ADAMTS6: variants seen among roughly 807,000 people sequenced by gnomAD.
ADAMTS6 encodes ADAM metallopeptidase with thrombospondin type 1 motif 6.
A neutral mutation model predicts 144.3 loss-of-function variants in ADAMTS6; 23 were observed. That is an observed-to-expected ratio of 0.16 (90% confidence interval 0.11 to 0.23). The LOEUF (loss-of-function observed/expected upper bound fraction) is 0.23, where lower values mean the gene tolerates loss of function less well. ADAMTS6 is among the 10% of genes least tolerant of loss of function. ADAMTS6 has a pLI of 1.00. For synonymous variants in ADAMTS6, 444 were observed against 457.5 expected, an observed-to-expected ratio of 0.97 and a Z score of 0.38; for missense variants, 999 against 1,379.6, an observed-to-expected ratio of 0.72 and a Z score of 4.37.
Position 65,273,431 on chromosome 5 carries a change from A to C in ADAMTS6, c.1529T>G (p.Leu510Arg), listed in dbSNP as rs996353681. Reference sequence around the variant, plus strand: ...GCGGTTGCTTTTGCTGAGACACCAGAGCTCTCTACACACTTCCTAGGAAAG... The same window carrying C: ...GCGGTTGCTTTTGCTGAGACACCAGCGCTCTCTACACACTTCCTAGGAAAG... The part of the protein sequence containing the change: ...QCKYGEVCRE[L>R]WCLSKSNRCV... Residue 510 changes from leucine (L) to arginine (R), a missense_variant, in exon 12 of 25, where the codon CTC becomes CGC. By Grantham distance (102) the Leu-to-Arg change is moderately radical. Coordinates refer to ENST00000381055, the MANE Select transcript of ADAMTS6 (RefSeq NM_197941.4). 2.5e-6 allele frequency: 4 copies of C among 1,613,708 alleles called. No homozygotes were observed. The highest frequency in any genetic ancestry group is 3.4e-6 in the Non-Finnish European group (4 of 1,179,784).
intron 9 of ADAMTS6, among the ~76,000 whole-genome samples, chr5:65,303,006 A>G (rs540616009): frequency 6.6e-6 from 1 of 152,264 alleles, no homozygotes; most frequent in African/African-American, 2.4e-5. Flanking sequence ...ATAATAGTGC[A>G]TTGCCTTGGA....
chr5:65,302,339 CATATA>C (rs1277885010), intron 9 of ADAMTS6, among the ~76,000 whole-genome samples: 3 of 141,832 alleles, frequency 2.1e-5, no homozygotes, highest in Non-Finnish European at 4.5e-5. Context: ...ATATTATATA[CATATA>C]ATATGTGTAT....
intron 23 of ADAMTS6, among the ~76,000 whole-genome samples, chr5:65,172,005 A>C (rs1230016232): frequency 6.6e-6 from 1 of 151,692 alleles, no homozygotes; most frequent in Admixed American, 6.6e-5. Context: ...TGGTGCCAAC[A>C]CAGGGGATGG....
intron 7 of ADAMTS6, among the ~76,000 whole-genome samples, chr5:65,433,349 A>G (rs908397034): frequency 6.6e-5 from 10 of 152,166 alleles, no homozygotes; most frequent in African/African-American, 2.4e-4. Context: ...TTATAATCCA[A>G]CAAACTCAAA....
At chr5:65,344,608 T>C (rs188178628) in intron 7 of ADAMTS6, among the ~76,000 whole-genome samples, 115 of 152,060 alleles carry the variant, frequency 7.6e-4, no homozygotes, top group African/African-American at 2.6e-3. Context: ...TTAATCACAA[T>C]GAACATCACT....
In ADAMTS6 at chr5:65,352,260, G is replaced by A. The variant is rs374465881; in HGVS notation, c.1074-18175C>T. ...AATTTAAAATGATTAAATATATCAG[G>A]AAGATAGGCATAGAGTCCGTTCTTT... On this transcript the variant is annotated intron_variant, in intron 7 of 24. Coordinates refer to ENST00000381055, the MANE Select transcript of ADAMTS6 (RefSeq NM_197941.4). Among the ~76,000 whole-genome samples the A allele has an allele frequency of 8.7e-5, 13 of 148,964 alleles. No homozygotes were observed. In the East Asian group the frequency reaches 1.7e-3, roughly 20 times the overall value.
chr5:65,333,177 T>G (rs1746945852), intron 8 of ADAMTS6, among the ~76,000 whole-genome samples: 1 of 152,066 alleles, frequency 6.6e-6, no homozygotes, highest in South Asian at 2.1e-4. Flanking sequence ...GAATTCATCT[T>G]CAGTTGTTTA....
intron 7 of ADAMTS6, among the ~76,000 whole-genome samples, chr5:65,356,523 A>G (rs1216915020): frequency 6.6e-6 from 1 of 151,946 alleles, no homozygotes; most frequent in East Asian, 1.9e-4. Context: ...ACAGCCAAAC[A>G]AGAGGACCAG....
At chr5:65,431,539 CA>C (rs1561535928) in intron 7 of ADAMTS6, among the ~76,000 whole-genome samples, 1 of 152,076 alleles carries the variant, frequency 6.6e-6, no homozygotes, top group Admixed American at 6.6e-5. Flanking sequence ...AGATATGAGA[CA>C]CAAGCAAACA....
chr5:65,287,470 G>T (rs891489489), intron 11 of ADAMTS6, among the ~76,000 whole-genome samples: 1 of 152,012 alleles, frequency 6.6e-6, no homozygotes, highest in Non-Finnish European at 1.5e-5. Flanking sequence ...TTTGGAGTAG[G>T]TATATCACAT....
At chr5:65,217,960 C>T (rs1027333117) in intron 18 of ADAMTS6, among the ~76,000 whole-genome samples, 2 of 152,168 alleles carry the variant, frequency 1.3e-5, no homozygotes, top group Admixed American at 6.5e-5. Context: ...AGACCATGAT[C>T]TCCACAACTT....
chr5:65,458,346 C>T (rs1759381084), intron 4 of ADAMTS6, among the ~76,000 whole-genome samples: 1 of 152,126 alleles, frequency 6.6e-6, no homozygotes, highest in South Asian at 2.1e-4. Context: ...GAAAACAAGC[C>T]TATGAAGAAT....
In ADAMTS6 at chr5:65,214,533, G is replaced by T; in HGVS notation, c.2575+261C>A. ...CGAAAGGCAAACAGCCCACCTTCAA[G>T]ATAGTCTTGGGAGAAGCACCAGCAG... On this transcript the variant is annotated intron_variant, in intron 20 of 24. Coordinates refer to ENST00000381055, the MANE Select transcript of ADAMTS6 (RefSeq NM_197941.4). The surrounding 1 kb of genome is among the most constrained non-coding windows in gnomAD (Gnocchi z 4.6). 1 of 523,568 alleles carries T rather than the reference G, an allele frequency of 1.9e-6. No homozygotes were observed. Among genetic ancestry groups the T allele is most frequent in the Non-Finnish European group, 3.4e-6 (1 of 291,480 alleles). The allele number at this position is 523,568 out of a possible 1,614,324, so 32.4% of individuals were successfully genotyped here. A position where few individuals can be genotyped will look rare whatever the true frequency, so the allele number is the denominator to read the frequency against.
At chr5:65,403,809 T>C (rs1283225514) in intron 7 of ADAMTS6, among the ~76,000 whole-genome samples, 1 of 152,142 alleles carries the variant, frequency 6.6e-6, no homozygotes, top group African/African-American at 2.4e-5. Flanking sequence ...CATGGATTTA[T>C]CACTACGTAC....
chr5:65,377,399 T>C (rs1333204877), intron 7 of ADAMTS6, among the ~76,000 whole-genome samples: 4 of 152,208 alleles, frequency 2.6e-5, no homozygotes, highest in Non-Finnish European at 5.9e-5. Context: ...AATGGAATTC[T>C]AGACTGCCAA....
chr5:65,243,607 T>C (rs1291474706), intron 14 of ADAMTS6, among the ~76,000 whole-genome samples: 1 of 152,086 alleles, frequency 6.6e-6, no homozygotes, highest in African/African-American at 2.4e-5. Context: ...ATATTTACCA[T>C]AGGCTAGTAG....
At chr5:65,317,060 C>T (rs189647667) in intron 9 of ADAMTS6, among the ~76,000 whole-genome samples, 121 of 152,250 alleles carry the variant, frequency 7.9e-4, no homozygotes, top group African/African-American at 2.7e-3. Flanking sequence ...GCCTTGGCCT[C>T]CCAAAGTTCT....
rs1032359812 is a variant in ADAMTS6, at chr5:65,353,681, C to T, written c.1074-19596G>A. ...ATATTTATATATTAATTCATTTATT[C>T]AACAGATAATTAATGTGAACATAAC... On this transcript the variant is annotated intron_variant, in intron 7 of 24. Coordinates refer to ENST00000381055, the MANE Select transcript of ADAMTS6 (RefSeq NM_197941.4). Among the ~76,000 whole-genome samples, 6 of 151,902 alleles carry T rather than the reference C, an allele frequency of 3.9e-5. No individual in the cohort carries two copies. In the East Asian group the frequency reaches 1.2e-3, roughly 29 times the overall value.
At chr5:65,472,019 T>C (rs11746008) in intron 2 of ADAMTS6, among the ~76,000 whole-genome samples, 6,941 of 152,298 alleles carry the variant, frequency 0.046, 193 homozygotes, top group Non-Finnish European at 0.068. Flanking sequence ...AATTGATGAA[T>C]AGACAAACAA....
Sources: gnomAD v4.1 joint callset for allele counts (sites outside exome capture counted in the v4.1 genomes callset) on GRCh38, gnomAD v4.1.1 for gene constraint, Gnocchi (gnomAD v3.1) non-coding constraint, MANE v1.5 for transcripts, NCBI Gene and HGNC (gene_info 2026-07-23, HGNC 2026-07-21) for gene names.